Variants in LRMDA observed in about 807,000 individuals in gnomAD.
LRMDA encodes leucine-rich melanocyte differentiation-associated protein.
Under a neutral mutation model 29.8 loss-of-function variants are expected in LRMDA, and 18 were observed. The observed-to-expected ratio is 0.60, with a 90% CI of 0.42 to 0.90. The LOEUF is 0.90. Among genes scored for constraint, LRMDA ranks in the 40% least tolerant of loss-of-function variants. The pLI, the probability that LRMDA is intolerant of heterozygous loss-of-function variation, is 0.00. For synonymous variants in LRMDA, 125 were observed against 109.4 expected, an observed-to-expected ratio of 1.14 and a Z score of -0.89; for missense variants, 273 against 273.9, an observed-to-expected ratio of 1.00 and a Z score of 0.02.
chr10:76,050,515 C>T (rs1489358889), intron 4 of LRMDA, among the ~76,000 whole-genome samples: 3 of 152,180 alleles, frequency 2.0e-5, no homozygotes, highest in African/African-American at 7.2e-5. Flanking sequence ...TGAGAAATGT[C>T]CATGGCCCTG....
intron 5 of LRMDA, among the ~76,000 whole-genome samples, chr10:76,225,574 G>A (rs1851937923): frequency 6.6e-6 from 1 of 151,986 alleles, no homozygotes; most frequent in South Asian, 2.1e-4. Flanking sequence ...GTTAAAAAGA[G>A]CCTGGAACTT....
At chr10:76,400,660 C>T (rs564037774) in intron 6 of LRMDA, among the ~76,000 whole-genome samples, 1 of 152,298 alleles carries the variant, frequency 6.6e-6, no homozygotes, top group South Asian at 2.1e-4. Context: ...GACATCGTTA[C>T]CATTTCCTGG....
intron 2 of LRMDA, among the ~76,000 whole-genome samples, chr10:76,031,226 G>T (rs575167252): frequency 6.6e-6 from 1 of 152,112 alleles, no homozygotes; most frequent in Non-Finnish European, 1.5e-5. Flanking sequence ...ACTCAGAGCT[G>T]CAATTATTTA....
intron 5 of LRMDA, among the ~76,000 whole-genome samples, chr10:76,313,984 A>G (rs1193149308): frequency 6.6e-6 from 1 of 152,132 alleles, no homozygotes; most frequent in Non-Finnish European, 1.5e-5. Flanking sequence ...TGAACTGGAT[A>G]ATAGTTTTTG....
chr10:76,387,672 CTTAAAT>C (rs1489946453), intron 6 of LRMDA, among the ~76,000 whole-genome samples: 3 of 149,972 alleles, frequency 2.0e-5, no homozygotes, highest in Non-Finnish European at 4.4e-5. Flanking sequence ...TCTTTTTAAA[CTTAAAT>C]TTAAATTTTT....
intron 6 of LRMDA, among the ~76,000 whole-genome samples, chr10:76,326,248 G>A (rs774917986): frequency 6.6e-6 from 1 of 152,190 alleles, no homozygotes; most frequent in Non-Finnish European, 1.5e-5. Context: ...GGAGAAAGGT[G>A]AGACTAATAT....
chr10:75,825,978 C>T (rs533372619), intron 2 of LRMDA, among the ~76,000 whole-genome samples: 2 of 152,286 alleles, frequency 1.3e-5, no homozygotes, highest in African/African-American at 4.8e-5. Flanking sequence ...TTCTCTGTCT[C>T]CTGCTCCCTT....
intron 2 of LRMDA, among the ~76,000 whole-genome samples, chr10:75,545,511 G>A (rs763895307): frequency 1.3e-5 from 2 of 152,090 alleles, no homozygotes; most frequent in African/African-American, 4.8e-5. Flanking sequence ...TGATATCATA[G>A]GACACTGTGG....
intron 2 of LRMDA, among the ~76,000 whole-genome samples, chr10:75,602,648 T>C (rs1245226787): frequency 1.3e-5 from 2 of 152,194 alleles, no homozygotes; most frequent in Non-Finnish European, 1.5e-5. Context: ...CTAGGAGATG[T>C]TGTCTTTCAG....
At chr10:75,547,815 A>G (rs1056557313) in intron 2 of LRMDA, among the ~76,000 whole-genome samples, 10 of 152,210 alleles carry the variant, frequency 6.6e-5, no homozygotes, top group African/African-American at 2.4e-4. Flanking sequence ...TAAAAAAGAT[A>G]GAAACCTGGT....
At chr10:75,908,480 A>G (rs1337389277) in intron 2 of LRMDA, among the ~76,000 whole-genome samples, 1 of 152,248 alleles carries the variant, frequency 6.6e-6, no homozygotes, top group East Asian at 1.9e-4. Flanking sequence ...ATCATGTAGT[A>G]TGTCTATAGT....
intron 2 of LRMDA, among the ~76,000 whole-genome samples, chr10:75,815,305 T>C (rs942460287): frequency 1.3e-5 from 2 of 152,234 alleles, no homozygotes; most frequent in African/African-American, 2.4e-5. Context: ...TGTAGGCTGC[T>C]AGAAGTCAGG....
At chr10:76,206,112 C>G (rs1488199572) in intron 5 of LRMDA, among the ~76,000 whole-genome samples, 1 of 152,136 alleles carries the variant, frequency 6.6e-6, no homozygotes, top group Non-Finnish European at 1.5e-5. Context: ...TTGATTTTGT[C>G]GATGATGACC....
At chr10:76,272,879 C>G (rs2132323470) in intron 5 of LRMDA, among the ~76,000 whole-genome samples, 1 of 152,260 alleles carries the variant, frequency 6.6e-6, no homozygotes, top group East Asian at 1.9e-4. Flanking sequence ...TCCATCAACT[C>G]TTACGAGAAC....
At chr10:76,121,158 T>C (rs1228212875) in intron 5 of LRMDA, among the ~76,000 whole-genome samples, 3 of 151,808 alleles carry the variant, frequency 2.0e-5, no homozygotes, top group Admixed American at 1.3e-4. Context: ...ATCTAATAGG[T>C]ATCTAGTATC....
intron 2 of LRMDA, among the ~76,000 whole-genome samples, chr10:75,674,504 A>G (rs1398659137): frequency 6.6e-6 from 1 of 151,950 alleles, no homozygotes; most frequent in East Asian, 1.9e-4. Context: ...TCCTTAGAAG[A>G]GAATATTATC....
intron 2 of LRMDA, among the ~76,000 whole-genome samples, chr10:75,529,644 C>T (rs1845453745): frequency 6.6e-6 from 1 of 152,074 alleles, no homozygotes. Context: ...ACACCTGATG[C>T]ATCTGGACAT....
chr10:76,401,144 C>T (rs1291993665), intron 6 of LRMDA, among the ~76,000 whole-genome samples: 1 of 152,062 alleles, frequency 6.6e-6, no homozygotes, highest in East Asian at 1.9e-4. Flanking sequence ...TTTCCATGCC[C>T]TTGAGCTTCC....
At chr10:75,690,300 C>T (rs918619190) in intron 2 of LRMDA, among the ~76,000 whole-genome samples, 5 of 151,982 alleles carry the variant, frequency 3.3e-5, no homozygotes, top group African/African-American at 9.7e-5. Flanking sequence ...AACCCAGGTC[C>T]CCTGACTTCT....
Sources: gnomAD v4.1 joint callset for allele counts (sites outside exome capture counted in the v4.1 genomes callset) on GRCh38, gnomAD v4.1.1 for gene constraint, MANE v1.5 for transcripts, NCBI Gene and HGNC (gene_info 2026-07-23, HGNC 2026-07-21) for gene names.